Variants in IFT88 observed in about 807,000 individuals in gnomAD.
IFT88 encodes the protein intraflagellar transport 88.
Under a neutral mutation model 119.5 loss-of-function variants are expected in IFT88, and 74 were observed. That is an observed-to-expected ratio of 0.62 (90% CI 0.51 to 0.75). The LOEUF (loss-of-function observed/expected upper bound fraction) is 0.75, where lower values mean the gene tolerates loss of function less well. IFT88 is among the 30% of genes least tolerant of loss of function. IFT88 has a pLI of 0.00. For synonymous variants in IFT88, 279 were observed against 316.7 expected (o/e 0.88, Z 1.26); for missense variants, 961 against 977.7 (o/e 0.98, Z 0.23).
intron 1 of IFT88, among the ~76,000 whole-genome samples, chr13:20,568,514 T>A (rs2035448737): frequency 6.6e-6 from 1 of 152,206 alleles, no homozygotes; most frequent in Non-Finnish European, 1.5e-5. Context: ...AAAAGTTGCT[T>A]CCTTCTATAA....
chr13:20,690,646 T>A (rs1221994934), intron 24 of IFT88, 59 bp from the exon 25 acceptor site: 1 of 1,107,558 alleles, frequency 9.0e-7, no homozygotes, highest in Non-Finnish European at 1.4e-6. Context: ...AGATGCATAA[T>A]GTAGTTTTAT....
Position 20,651,783 on chromosome 13 carries a change from T to C in IFT88, c.1950-2093T>C, listed in dbSNP as rs531264861. ...TGTTTGTATAGGAAAAAAAATAGTA[T>C]ATATAGGGTTCAGTAGTATTTGTAG... On this transcript the variant is annotated intron_variant, in intron 20 of 25. Transcript: ENST00000351808. 2.8e-4 allele frequency among the ~76,000 whole-genome samples: 43 copies of C among 152,230 alleles called. 1 individual carries two copies. Among genetic ancestry groups the C allele is most frequent in the African/African-American group, 9.4e-4 (39 of 41,538 alleles).
At chr13:20,665,929 C>T (rs1213381069) in intron 23 of IFT88, among the ~76,000 whole-genome samples, 1 of 152,194 alleles carries the variant, frequency 6.6e-6, no homozygotes, top group Non-Finnish European at 1.5e-5. Flanking sequence ...GGGCAGAGGT[C>T]TGAGGACAGG....
At chr13:20,569,870 T>G (rs2035915510) in intron 1 of IFT88, among the ~76,000 whole-genome samples, 1 of 150,228 alleles carries the variant, frequency 6.7e-6, no homozygotes, top group Admixed American at 6.6e-5. Flanking sequence ...CTACTAAAAA[T>G]AAAAATAAAA....
At chr13:20,672,898 A>G (rs774725780) in intron 24 of IFT88, among the ~76,000 whole-genome samples, 4 of 152,190 alleles carry the variant, frequency 2.6e-5, no homozygotes, top group Non-Finnish European at 5.9e-5. Context: ...GATGTGTACC[A>G]AAAATGTTCT....
At chr13:20,634,130 G>C (rs1386301436) in intron 16 of IFT88, among the ~76,000 whole-genome samples, 7 of 152,128 alleles carry the variant, frequency 4.6e-5, no homozygotes, top group African/African-American at 1.4e-4. Flanking sequence ...GGTGGGACTG[G>C]GTTCCATGAG....
chr13:20,581,520 A>G (rs895872970), intron 2 of IFT88, among the ~76,000 whole-genome samples: 6 of 152,168 alleles, frequency 3.9e-5, no homozygotes, highest in Non-Finnish European at 7.3e-5. Flanking sequence ...TTTAGTTTCT[A>G]TGGGTAACTG....
At chr13:20,597,184 T>A in intron 9 of IFT88, 65 bp downstream of exon 9, 1 of 739,132 alleles carries the variant, frequency 1.4e-6, no homozygotes, top group Non-Finnish European at 2.1e-6. Context: ...GGTTCCAGAG[T>A]CTTTTTTCTT....
intron 1 of IFT88, chr13:20,567,881 C>A: frequency 2.2e-5 from 12 of 556,786 alleles, no homozygotes; most frequent in Admixed American, 4.0e-5. Flanking sequence ...TTTTTTTTTT[C>A]GAGAAACTGC....
At chr13:20,663,272 G>A (rs1330204988) in intron 22 of IFT88, 1 of 1,467,164 alleles carries the variant, frequency 6.8e-7, no homozygotes, top group Non-Finnish European at 9.1e-7. Context: ...GGTTCTGGCA[G>A]CGTGAGGACA....
At chr13:20,589,607 T>G (rs2040316150) in intron 3 of IFT88, among the ~76,000 whole-genome samples, 1 of 152,172 alleles carries the variant, frequency 6.6e-6, no homozygotes, top group Admixed American at 6.5e-5. Flanking sequence ...CTTTCTCCTT[T>G]AAAATGAATT....
At chr13:20,576,933 G>C (rs527292087) in intron 2 of IFT88, among the ~76,000 whole-genome samples, 102 of 152,248 alleles carry the variant, frequency 6.7e-4, no homozygotes, top group Non-Finnish European at 1.1e-3. Context: ...GTGTTGCACC[G>C]AATCTGTAGA....
At chr13:20,653,518 G>A (rs9506530) in intron 20 of IFT88, among the ~76,000 whole-genome samples, 61,263 of 151,834 alleles carry the variant, frequency 0.4, 14,081 homozygotes, top group Non-Finnish European at 0.52. Flanking sequence ...CGCTTCTCAG[G>A]TACTAAATTT....
intron 10 of IFT88, 62 bp from the exon 11 acceptor site, chr13:20,599,389 C>T: frequency 1.6e-6 from 1 of 610,496 alleles, no homozygotes; most frequent in South Asian, 2.3e-5. Context: ...TAAAAGTCAT[C>T]TAAAATATCA....
chr13:20,578,299 G>A (rs1342186449), intron 2 of IFT88, among the ~76,000 whole-genome samples: 3 of 150,108 alleles, frequency 2.0e-5, no homozygotes, highest in Admixed American at 6.6e-5. Context: ...AGCCCGCCTC[G>A]GCCTCCCAAA....
At chr13:20,650,730 A>G (rs2051510291) in intron 20 of IFT88, among the ~76,000 whole-genome samples, 1 of 152,180 alleles carries the variant, frequency 6.6e-6, no homozygotes, top group Non-Finnish European at 1.5e-5. Context: ...AATCCACATA[A>G]AAATCTTAGA....
At chr13:20,573,496 C>G (rs2036785742) in intron 1 of IFT88, among the ~76,000 whole-genome samples, 1 of 152,140 alleles carries the variant, frequency 6.6e-6, no homozygotes, top group South Asian at 2.1e-4. Flanking sequence ...TCGACAGCTA[C>G]TATGAACATT....
chr13:20,570,648 C>G (rs1047300890), intron 1 of IFT88, among the ~76,000 whole-genome samples: 1 of 145,816 alleles, frequency 6.9e-6, no homozygotes, highest in African/African-American at 2.5e-5. Context: ...TATGAAATGT[C>G]CAGAATTGGC....
rs1320837564 is a variant in IFT88 at position 20,598,103 on chromosome 13, A to AAC, written c.595-547_595-546insCA. Among the ~76,000 whole-genome samples, 3 of 152,154 alleles carry AAC rather than the reference A, an allele frequency of 2.0e-5. No homozygotes were observed. The East Asian group carries it at 5.8e-4, about 29-fold the overall frequency. ...CACATAGGAAAAAAAGGGCGTTTGA[A>AAC]ATTTTGAAGTGTTAGATGCTTACTG... On this transcript the variant is annotated intron_variant, in intron 9 of 25. Transcript: ENST00000351808.
Sources: gnomAD v4.1 joint callset for allele counts (sites outside exome capture counted in the v4.1 genomes callset) on GRCh38, gnomAD v4.1.1 for gene constraint, MANE v1.5 for transcripts, NCBI Gene and HGNC (gene_info 2026-07-23, HGNC 2026-07-21) for gene names.